The following RARB variants were observed in gnomAD, a reference collection of about 807,000 sequenced individuals.
RARB encodes retinoic acid receptor beta, also known as HBV-activated protein.
RARB carries 17 observed loss-of-function variants against 51.9 expected under a neutral mutation model. The observed-to-expected ratio is 0.33, with a 90% CI of 0.22 to 0.49. The LOEUF (loss-of-function observed/expected upper bound fraction) is 0.49. Ranked by LOEUF, RARB falls within the 20% of genes least tolerant of loss-of-function variation. The pLI is 0.99. For missense variants in RARB, 369 were observed against 550.8 expected, an observed-to-expected ratio of 0.67 and a Z score of 3.30; for synonymous variants, 215 against 195.4, an observed-to-expected ratio of 1.10 and a Z score of -0.84.
At chr3:25,445,379 G>T (rs1429311231) in intron 1 of RARB, among the ~76,000 whole-genome samples, 1 of 152,144 alleles carries the variant, frequency 6.6e-6, no homozygotes, top group African/African-American at 2.4e-5. Context: ...GAATATCAAA[G>T]AGCAGTCCGG....
intron 3 of RARB, among the ~76,000 whole-genome samples, chr3:25,557,137 TCACACACACACACA>T (rs55731301): frequency 3.1e-4 from 45 of 145,400 alleles, no homozygotes; most frequent in East Asian, 2.2e-3. Flanking sequence ...GGCATTGCAT[TCACACACACACACA>T]CACACACACA....
chr3:25,148,460 T>C (rs1283093956), intron 4 of RARB, among the ~76,000 whole-genome samples: 1 of 152,176 alleles, frequency 6.6e-6, no homozygotes, highest in Non-Finnish European at 1.5e-5. Flanking sequence ...CAGTAAGAAA[T>C]ATCTCTTTTA....
intron 2 of RARB, among the ~76,000 whole-genome samples, chr3:24,941,877 C>A (rs550846003): frequency 2.0e-5 from 3 of 152,164 alleles, no homozygotes; most frequent in Non-Finnish European, 4.4e-5. Flanking sequence ...AAAACTTAAG[C>A]GTAAACTTAA....
chr3:25,298,080 A>G (rs910381374), intron 5 of RARB, among the ~76,000 whole-genome samples: 1 of 152,188 alleles, frequency 6.6e-6, no homozygotes, highest in Admixed American at 6.5e-5. Flanking sequence ...TCTTCAAAGC[A>G]GAGGTTCAGG....
chr3:25,526,492 C>G (rs1698654545), intron 3 of RARB, among the ~76,000 whole-genome samples: 1 of 151,834 alleles, frequency 6.6e-6, no homozygotes, highest in Non-Finnish European at 1.5e-5. Context: ...GTTAAGTTGT[C>G]CAGGCAAAGC....
At chr3:25,064,238 G>C (rs1412158534) in intron 3 of RARB, among the ~76,000 whole-genome samples, 1 of 151,864 alleles carries the variant, frequency 6.6e-6, no homozygotes, top group Non-Finnish European at 1.5e-5. Context: ...TAATATAATG[G>C]CAATAGATTT....
chr3:25,293,612 A>AAAAAAAAAAAAAAAAAAAAAAAT lies in RARB; in HGVS notation c.178+119043_178+119044insAAAAAAAAAAAAAAAATAAAAAA, dbSNP rs1703844288. 1.3e-5 allele frequency among the ~76,000 whole-genome samples: 2 copies of AAAAAAAAAAAAAAAAAAAAAAAT among 150,204 alleles called. 1 individual carries two copies. Among genetic ancestry groups the AAAAAAAAAAAAAAAAAAAAAAAT allele is most frequent in the Non-Finnish European group, 3.0e-5 (2 of 67,432 alleles). Reference sequence around the variant, plus strand: ...TTACTCCATTTAAAAAAAAAAAAAAAAAAAAAGTTCAGAGATAGGAAGCAG... The same window carrying AAAAAAAAAAAAAAAAAAAAAAAT: ...TTACTCCATTTAAAAAAAAAAAAAAAAAAAAAAAAAAAAAAAAAAAAATAAAAAAGTTCAGAGATAGGAAGCAG... On this transcript the variant is annotated intron_variant, in intron 5 of 11. Transcript: ENST00000383772.
intron 5 of RARB, among the ~76,000 whole-genome samples, chr3:25,203,811 T>C (rs1701458144): frequency 6.6e-6 from 1 of 152,268 alleles, no homozygotes; most frequent in Non-Finnish European, 1.5e-5. Flanking sequence ...ACTATTAGTC[T>C]GATGGGCTTC....
chr3:25,473,016 C>G (rs1559421254), intron 2 of RARB, among the ~76,000 whole-genome samples: 1 of 152,168 alleles, frequency 6.6e-6, no homozygotes, highest in African/African-American at 2.4e-5. Context: ...TTTCTGTTCT[C>G]TTGTTGTATC....
chr3:25,575,184 T>C (rs1236256203), intron 4 of RARB, among the ~76,000 whole-genome samples: 2 of 152,272 alleles, frequency 1.3e-5, no homozygotes, highest in South Asian at 4.1e-4. Context: ...GTAGGGTTCA[T>C]GTTCCTATGA....
chr3:25,124,279 C>G lies in RARB; in HGVS notation c.-327-7882C>G, dbSNP rs183142599. On this transcript the variant is annotated intron_variant, in intron 3 of 11. Coordinates refer to the RARB transcript ENST00000383772. Reference sequence around the variant, plus strand: ...ATTTCAGCTACTTGGGAGGCTGAGACAGGAGGATCACTTGAACCCAGGAGG... The same window carrying G: ...ATTTCAGCTACTTGGGAGGCTGAGAGAGGAGGATCACTTGAACCCAGGAGG... Among the ~76,000 whole-genome samples the G allele has an allele frequency of 1.8e-4, 28 of 152,236 alleles. No homozygotes were observed. In the East Asian group the frequency reaches 4.8e-3, roughly 26 times the overall value.
At chr3:25,153,692 T>C (rs1700330206) in intron 4 of RARB, among the ~76,000 whole-genome samples, 1 of 152,214 alleles carries the variant, frequency 6.6e-6, no homozygotes, top group Non-Finnish European at 1.5e-5. Flanking sequence ...ACATTAACAA[T>C]GCATATTATG....
At chr3:25,152,484 A>C (rs1398745639) in intron 4 of RARB, among the ~76,000 whole-genome samples, 1 of 152,204 alleles carries the variant, frequency 6.6e-6, no homozygotes, top group Non-Finnish European at 1.5e-5. Flanking sequence ...TTATTTACAA[A>C]GAACTAAAAT....
At position 24,853,569 on chromosome 3, in the gene RARB, C is replaced by A. The variant is rs146305876; in HGVS notation, c.-458-5105C>A. Among the ~76,000 whole-genome samples, 38 of 152,274 alleles carry A rather than the reference C, an allele frequency of 2.5e-4. No homozygotes were observed. The East Asian group carries it at 3.7e-3, about 15-fold the overall frequency. On this transcript the variant is annotated intron_variant, in intron 1 of 11. Transcript: ENST00000383772. ...AGGCACCAGCAGAGGATACTAACATCTGAACACAATAGAAAGTCCAGTCAA... is the reference window on the plus strand; with the variant it reads ...AGGCACCAGCAGAGGATACTAACATATGAACACAATAGAAAGTCCAGTCAA...
At chr3:24,913,464 T>C (rs1238972265) in intron 2 of RARB, among the ~76,000 whole-genome samples, 1 of 148,448 alleles carries the variant, frequency 6.7e-6, no homozygotes, top group Non-Finnish European at 1.5e-5. Context: ...GTATAGCTCA[T>C]ACATTTCTCT....
chr3:24,935,449 T>G (rs539061088), intron 2 of RARB, among the ~76,000 whole-genome samples: 1 of 152,256 alleles, frequency 6.6e-6, no homozygotes, highest in South Asian at 2.1e-4. Context: ...TCTGTTACTT[T>G]GTGTCTGAGC....
intron 2 of RARB, among the ~76,000 whole-genome samples, chr3:25,046,562 C>T (rs1698219822): frequency 6.6e-6 from 1 of 152,110 alleles, no homozygotes; most frequent in Non-Finnish European, 1.5e-5. Flanking sequence ...AAGTGATTCT[C>T]CCACCTTAGC....
chr3:25,364,430 A>G (rs1384899), intron 5 of RARB, among the ~76,000 whole-genome samples: 93,169 of 152,130 alleles, frequency 0.61, 29,225 homozygotes, highest in East Asian at 0.85. Context: ...GCACATCTGC[A>G]AATTTACACA....
rs1701906538 is a variant in RARB, at chr3:25,597,588, T to C, written c.*972T>C. 6.6e-6 allele frequency: 1 copy of C among 152,282 alleles called. No homozygotes were observed. The highest frequency in any genetic ancestry group is 2.4e-5 in the African/African-American group (1 of 41,132). 9.4% of individuals were successfully genotyped at this position (152,282 alleles called of 1,614,324 possible). Reference sequence around the variant, plus strand: ...GTCCTTCCTGATTCATGCCTGATATTGGGATTTTTTTTTCCAGCCTTCTTG... The same window carrying C: ...GTCCTTCCTGATTCATGCCTGATATCGGGATTTTTTTTTCCAGCCTTCTTG... On this transcript the variant is annotated 3_prime_UTR_variant, in exon 8 of 8. Coordinates refer to ENST00000330688, the MANE Select transcript of RARB (RefSeq NM_000965.5).
Sources: allele counts gnomAD v4.1 joint callset (sites outside exome capture counted in the v4.1 genomes callset), GRCh38; gene constraint gnomAD v4.1.1; transcripts MANE v1.5; gene names NCBI Gene and HGNC (gene_info 2026-07-23, HGNC 2026-07-21).